The following SPATA13 variants were observed in gnomAD, a reference collection of about 807,000 sequenced individuals.
SPATA13 encodes spermatogenesis associated 13.
SPATA13 carries 50 observed loss-of-function variants against 104.0 expected under a neutral mutation model. The ratio of observed to expected loss-of-function variants is 0.48; its 90% confidence interval spans 0.38 to 0.61. SPATA13 has a LOEUF of 0.61. Ranked by LOEUF, SPATA13 falls within the 20% of genes least tolerant of loss-of-function variation. SPATA13 has a pLI of 0.00. For missense variants in SPATA13, 1,524 were observed against 1,690.6 expected, an observed-to-expected ratio of 0.90 and a Z score of 1.73; for synonymous variants, 606 against 667.5, an observed-to-expected ratio of 0.91 and a Z score of 1.42.
At chr13:23,985,922 C>A (rs1194568972) in intron 2 of SPATA13, among the ~76,000 whole-genome samples, 1 of 152,154 alleles carries the variant, frequency 6.6e-6, no homozygotes, top group East Asian at 1.9e-4. Flanking sequence ...ACGAGGAAGC[C>A]AGCCTGGGTA....
chr13:24,058,272 G>C (rs1360434926), intron 3 of SPATA13, among the ~76,000 whole-genome samples: 1 of 151,690 alleles, frequency 6.6e-6, no homozygotes, highest in African/African-American at 2.4e-5. Flanking sequence ...TTGTTATCTG[G>C]GTATCAGATT....
chr13:24,041,272 T>A (rs1203970340), intron 3 of SPATA13, among the ~76,000 whole-genome samples: 6 of 152,180 alleles, frequency 3.9e-5, no homozygotes, highest in Non-Finnish European at 8.8e-5. Context: ...GTTATATAAG[T>A]TATTTGGATT....
At chr13:24,068,555 C>G (rs989116609) in intron 3 of SPATA13, among the ~76,000 whole-genome samples, 2 of 152,234 alleles carry the variant, frequency 1.3e-5, no homozygotes, top group African/African-American at 4.8e-5. Flanking sequence ...AATCACCACA[C>G]TGTCTTACAC....
At chr13:24,122,208 A>G in intron 3 of SPATA13, 1 of 1,463,234 alleles carries the variant, frequency 6.8e-7, no homozygotes. Flanking sequence ...ATATACTGTA[A>G]CTGTTTTCTT....
intron 3 of SPATA13, chr13:24,251,354 C>A: frequency 1.6e-6 from 1 of 609,420 alleles, no homozygotes; most frequent in Non-Finnish European, 2.1e-6. Flanking sequence ...AGAGGCCACC[C>A]CTGGGAAAGC....
At chr13:24,206,755 G>T (rs1870719726) in intron 1 of SPATA13, among the ~76,000 whole-genome samples, 1 of 152,126 alleles carries the variant, frequency 6.6e-6, no homozygotes, top group Admixed American at 6.5e-5. Context: ...AGCCAGACGT[G>T]TTGGGATGTG....
chr13:24,233,984 GT>G (rs1468055551), intron 2 of SPATA13, among the ~76,000 whole-genome samples: 2 of 151,782 alleles, frequency 1.3e-5, no homozygotes, highest in Non-Finnish European at 2.9e-5. Flanking sequence ...TATACCTGTA[GT>G]TTTGAACTTT....
At chr13:24,017,984 T>C (rs1876793444) in intron 3 of SPATA13, among the ~76,000 whole-genome samples, 1 of 152,260 alleles carries the variant, frequency 6.6e-6, no homozygotes, top group Non-Finnish European at 1.5e-5. Flanking sequence ...TAATATGCAC[T>C]ATTGCTACTA....
chr13:24,019,781 G>A (rs1021255438), intron 3 of SPATA13, among the ~76,000 whole-genome samples: 2 of 152,154 alleles, frequency 1.3e-5, no homozygotes, highest in African/African-American at 4.8e-5. Flanking sequence ...AGAGCAATGG[G>A]AGTCCAAGGG....
At chr13:23,992,382 A>G (rs1875454828) in intron 2 of SPATA13, among the ~76,000 whole-genome samples, 2 of 152,232 alleles carry the variant, frequency 1.3e-5, no homozygotes, top group Non-Finnish European at 2.9e-5. Context: ...GTCCTGTAGT[A>G]AAGCCCAACA....
intron 8 of SPATA13, 62 bp from the exon 9 acceptor site, chr13:24,290,590 C>T: frequency 8.0e-7 from 1 of 1,254,474 alleles, no homozygotes; most frequent in East Asian, 2.3e-5. Context: ...GGGATGATGC[C>T]TGTCTTTGTC....
intron 3 of SPATA13, among the ~76,000 whole-genome samples, chr13:24,143,809 C>T (rs1382787970): frequency 6.6e-6 from 1 of 152,208 alleles, no homozygotes; most frequent in Non-Finnish European, 1.5e-5. Context: ...GATGTGACCT[C>T]TAAGACTAGG....
At chr13:24,140,153 A>T (rs1881713823) in intron 3 of SPATA13, among the ~76,000 whole-genome samples, 1 of 152,214 alleles carries the variant, frequency 6.6e-6, no homozygotes, top group African/African-American at 2.4e-5. Flanking sequence ...AGGACTGCAA[A>T]TGCCATAATA....
chr13:24,297,576 G>A lies in SPATA13; in HGVS notation c.3424G>A (p.Asp1142Asn), dbSNP rs746491345. 6.2e-6 allele frequency: 10 copies of A among 1,614,100 alleles called. No individual in the cohort carries two copies. The highest frequency in any genetic ancestry group is 5.3e-5 in the African/African-American group (4 of 74,924). ...MELVDLGDGRDKDCNLSVKNA... is the reference protein window; with the variant it reads ...MELVDLGDGRNKDCNLSVKNA... ...GCTTGTGGACCTGGGGGATGGGCGC[G>A]ACAAGGACTGCAACCTCAGCGTGAA... Residue 1142 changes from aspartate (D) to asparagine (N), a missense_variant, in exon 11 of 13, where the codon GAC (aspartate) becomes AAC (asparagine). Physicochemically the swap from Asp to Asn is conservative, Grantham distance 23 (BLOSUM62 1). Coordinates refer to ENST00000382108, the MANE Select transcript of SPATA13 (RefSeq NM_001166271.3).
intron 1 of SPATA13, among the ~76,000 whole-genome samples, chr13:24,199,517 T>A (rs1870282819): frequency 6.6e-6 from 1 of 152,276 alleles, no homozygotes; most frequent in Non-Finnish European, 1.5e-5. Context: ...ATCTTTCTGC[T>A]GATTTGTGAA....
chr13:24,043,739 G>A (rs1048658104), intron 3 of SPATA13, among the ~76,000 whole-genome samples: 7 of 152,158 alleles, frequency 4.6e-5, no homozygotes, highest in African/African-American at 1.7e-4. Flanking sequence ...TGGCCTGCTG[G>A]TCGTGAAAGG....
At chr13:24,260,853 A>C (rs17080569) in intron 4 of SPATA13, among the ~76,000 whole-genome samples, 1 of 152,254 alleles carries the variant, frequency 6.6e-6, no homozygotes, top group Admixed American at 6.5e-5. Context: ...GATCGTACAC[A>C]GGGAGCCTTG....
At chr13:24,135,742 T>C (rs1881544897) in intron 3 of SPATA13, among the ~76,000 whole-genome samples, 1 of 152,026 alleles carries the variant, frequency 6.6e-6, no homozygotes. Context: ...TAGAGTTTAT[T>C]TTCTCCAACT....
intron 3 of SPATA13, among the ~76,000 whole-genome samples, chr13:24,057,065 TTTTTCTTTTTTTA>T (rs1389131075): frequency 3.3e-5 from 5 of 151,290 alleles, no homozygotes; most frequent in East Asian, 1.9e-4. Context: ...TTCTTTTTTT[TTTTTCTTTTTTTA>T]AAAAATTTTA....
Sources: gnomAD v4.1 joint callset for allele counts (sites outside exome capture counted in the v4.1 genomes callset) on GRCh38, gnomAD v4.1.1 for gene constraint, MANE v1.5 for transcripts, NCBI Gene and HGNC (gene_info 2026-07-23, HGNC 2026-07-21) for gene names.